UGT3A2: variants seen among roughly 807,000 people sequenced by gnomAD.
The protein encoded by UGT3A2 is UDP-glycosyltransferase 3A2.
In UGT3A2, 32 loss-of-function variants were observed where a neutral mutation model predicts 39.8. The observed-to-expected ratio is 0.80, with a 90% CI of 0.61 to 1.08. The LOEUF (loss-of-function observed/expected upper bound fraction) is 1.08, where lower values mean the gene tolerates loss of function less well. Among genes scored for constraint, UGT3A2 ranks in the 50% least tolerant of loss-of-function variants. The probability of loss-of-function intolerance (pLI) is 0.00; values close to 1 mark genes in which losing one functional copy is unlikely to be tolerated. For missense variants in UGT3A2, 611 were observed against 637.1 expected, an observed-to-expected ratio of 0.96 and a Z score of 0.44; for synonymous variants, 241 against 230.7, an observed-to-expected ratio of 1.04 and a Z score of -0.40.
chr5:36,064,451 G>A (rs1742817245), intron 1 of UGT3A2, 101 bp from the exon 2 acceptor site: 2 of 1,000,708 alleles, frequency 2.0e-6, no homozygotes, highest in Admixed American at 4.3e-5. Context: ...AACAGAAGTG[G>A]ATAGTGATTG....
At chr5:36,065,737 G>A (rs2111786203) in intron 1 of UGT3A2, among the ~76,000 whole-genome samples, 2 of 152,222 alleles carry the variant, frequency 1.3e-5, no homozygotes, top group Non-Finnish European at 1.5e-5. Context: ...GGGACATCAG[G>A]GAGGCCACAA....
rs1581025574 is a variant in UGT3A2, at chr5:36,066,843, G to A, written c.-54C>T. ...AGCCTGGGCTGCGCGCCCTGCGCCC[G>A]GCTAAGGGACCCTGTGCACCTCAGT... On this transcript the variant is annotated 5_prime_UTR_variant, in exon 1 of 7. Coordinates refer to ENST00000282507, the MANE Select transcript of UGT3A2 (RefSeq NM_174914.4). The A allele has an allele frequency of 1.9e-6, 3 of 1,608,392 alleles. No individual in the cohort carries two copies. Among genetic ancestry groups the A allele is most frequent in the East Asian group, 2.2e-5 (1 of 44,834 alleles).
chr5:36,049,252 C>CT lies in UGT3A2; in HGVS notation c.479dup (p.Pro161AlafsTer33). ...AAGTGGAAAGAATGGCCACAAATGG[C>CT]TTCCCAAGCTTCTCAGCAATCAGGA... On this transcript the variant is annotated frameshift_variant, in exon 4 of 7. Transcript: ENST00000282507. LOFTEE classifies it high-confidence loss of function. 1 of 1,614,104 alleles carries CT rather than the reference C, an allele frequency of 6.2e-7. No homozygotes were observed. The highest frequency in any genetic ancestry group is 8.5e-7 in the Non-Finnish European group (1 of 1,179,974).
chr5:36,061,580 T>C (rs1177132777), intron 2 of UGT3A2, among the ~76,000 whole-genome samples: 2 of 151,520 alleles, frequency 1.3e-5, no homozygotes, highest in South Asian at 2.1e-4. Context: ...TCATCATTTT[T>C]TATGGCTGCA....
intron 6 of UGT3A2, among the ~76,000 whole-genome samples, chr5:36,037,109 T>A (rs1470308146): frequency 6.6e-6 from 1 of 152,058 alleles, no homozygotes; most frequent in African/African-American, 2.4e-5. Flanking sequence ...GGACAAATAA[T>A]AAATGAAAAC....
At chr5:36,062,564 G>A (rs3860793) in intron 2 of UGT3A2, among the ~76,000 whole-genome samples, 44,060 of 148,838 alleles carry the variant, frequency 0.3, 6,946 homozygotes, top group Non-Finnish European at 0.37. Context: ...GATATGCGGC[G>A]TTATTTCTGA....
At chr5:36,052,085 T>C in intron 2 of UGT3A2, 101 bp from the exon 3 acceptor site, 1 of 704,578 alleles carries the variant, frequency 1.4e-6, no homozygotes, top group Non-Finnish European at 2.3e-6. Context: ...ATTATGTATG[T>C]ATTTGAATGA....
rs1159853137 is a variant in UGT3A2 at position 36,035,827 on chromosome 5, A to C, written c.1443T>G (p.His481Gln). 2 of 1,614,224 alleles carry C rather than the reference A, an allele frequency of 1.2e-6. No homozygotes were observed. Among genetic ancestry groups the C allele is most frequent in the Admixed American group, 3.3e-5 (2 of 60,030 alleles). ...CAAAAACGTCGAGCAGGTACTGCTC[A>C]TGCCAGGGCTGCTGAAAGACATAGG... The part of the protein sequence containing the change: ...LKPYVFQQPW[H>Q]EQYLLDVFVF... The change falls in exon 7 of 7, where the codon CAT becomes CAG. Residue 481 changes from histidine to glutamine, a missense_variant. By Grantham distance (24) the His-to-Gln change is conservative (BLOSUM62 0). Coordinates refer to ENST00000282507, the MANE Select transcript of UGT3A2 (RefSeq NM_174914.4).
chr5:36,058,837 C>T (rs1742595208), intron 2 of UGT3A2, among the ~76,000 whole-genome samples: 1 of 152,110 alleles, frequency 6.6e-6, no homozygotes, highest in Admixed American at 6.6e-5. Context: ...AGTAATGTCT[C>T]TCATAATGAC....
intron 3 of UGT3A2, 130 bp downstream of exon 3, chr5:36,051,736 GTCCA>G (rs71863019): frequency 0.062 from 18,039 of 288,846 alleles, 2,297 homozygotes; most frequent in African/African-American, 0.34. Flanking sequence ...CCATCCATCC[GTCCA>G]TCCATCCATC....
At chr5:36,052,721 C>T (rs925823441) in intron 2 of UGT3A2, among the ~76,000 whole-genome samples, 2 of 152,078 alleles carry the variant, frequency 1.3e-5, no homozygotes, top group African/African-American at 2.4e-5. Flanking sequence ...TGCCTGGGAG[C>T]CTGTCCTGCT....
At chr5:36,058,438 T>C (rs1336606449) in intron 2 of UGT3A2, among the ~76,000 whole-genome samples, 1 of 152,198 alleles carries the variant, frequency 6.6e-6, no homozygotes, top group African/African-American at 2.4e-5. Flanking sequence ...CTGGAGACTA[T>C]ATGAGTAAAC....
rs983626947 is a variant in UGT3A2, at chr5:36,060,103, G to T, written c.196+4146C>A. ...CACAGGAAGCTGAGAAACTGTTAGA[G>T]CATCAGGGTCAGGCAAAGACCCCTG... On this transcript the variant is annotated intron_variant, in intron 2 of 6. Transcript: ENST00000282507. Among the ~76,000 whole-genome samples, 8 of 152,332 alleles carry T rather than the reference G, an allele frequency of 5.3e-5. 1 individual carries two copies. Among genetic ancestry groups the T allele is most frequent in the Admixed American group, 3.9e-4 (6 of 15,300 alleles).
chr5:36,037,819 T>C lies in UGT3A2; in HGVS notation c.1273A>G (p.Lys425Glu). 2 of 1,614,214 alleles carry C rather than the reference T, an allele frequency of 1.2e-6. No homozygotes were observed. The highest frequency in any genetic ancestry group is 1.7e-6 in the Non-Finnish European group (2 of 1,180,038). ...TACCTCTTGTCTTCCATGATTTGTTTCATCTTAAGAGCCAATGTCTCTGCC... is the reference window on the plus strand; with the variant it reads ...TACCTCTTGTCTTCCATGATTTGTTCCATCTTAAGAGCCAATGTCTCTGCC... ...LKAETLALKM[K>E]QIMEDKRYKS... The change falls in exon 6 of 7, where the codon AAA becomes GAA. Residue 425 changes from lysine (K) to glutamate (E), a missense_variant. Lys to Glu is a moderately conservative substitution (Grantham distance 56). Transcript: ENST00000282507.
intron 2 of UGT3A2, among the ~76,000 whole-genome samples, chr5:36,059,363 T>C (rs1226929468): frequency 8.3e-5 from 4 of 48,154 alleles, no homozygotes; most frequent in East Asian, 7.3e-4. Context: ...TCTTTTCTCT[T>C]TTTTTTTTTT....
rs1400612454 is a variant in UGT3A2 at position 36,035,528 on chromosome 5, T to C, written c.*170A>G. 4 of 979,878 alleles carry C rather than the reference T, an allele frequency of 4.1e-6. No homozygotes were observed. The African/African-American group carries it at 5.0e-5, about 12-fold the overall frequency. 60.7% of individuals were successfully genotyped at this position (979,878 alleles called of 1,614,324 possible). ...GCAGGAGCTAGTAAGGATGAATTTG[T>C]AGCAAAATTAGCAAGTGGAAAGGAT... On this transcript the variant is annotated 3_prime_UTR_variant, in exon 7 of 7. Coordinates refer to ENST00000282507, the MANE Select transcript of UGT3A2 (RefSeq NM_174914.4).
Position 36,049,352 on chromosome 5 carries a change from C to G in UGT3A2, c.380G>C (p.Arg127Thr), listed in dbSNP as rs200862040. ...CTTTAAGGAATCCATGATATCCTTTCTATTTAAAAAATGACTGCACTGCAA... is the reference window on the plus strand; with the variant it reads ...CTTTAAGGAATCCATGATATCCTTTGTATTTAAAAAATGACTGCACTGCAA... ...LALQCSHFLN[R>T]KDIMDSLKNE... Residue 127 changes from arginine to threonine, a missense_variant, in exon 4 of 7, where the codon AGA (arginine) becomes ACA (threonine). By Grantham distance (71) the Arg-to-Thr change is moderately conservative (BLOSUM62 -1). Coordinates refer to ENST00000282507, the MANE Select transcript of UGT3A2 (RefSeq NM_174914.4). 104 of 1,609,552 alleles carry G rather than the reference C, an allele frequency of 6.5e-5. No homozygotes were observed. The highest frequency in any genetic ancestry group is 3.9e-4 in the Admixed American group (23 of 58,970).
At chr5:36,049,579 A>C (rs1189608521) in intron 3 of UGT3A2, among the ~76,000 whole-genome samples, 159 bp from the exon 4 acceptor site, 1 of 152,092 alleles carries the variant, frequency 6.6e-6, no homozygotes, top group African/African-American at 2.4e-5. Flanking sequence ...CTCTGCCATA[A>C]TTATCCTGGC....
chr5:36,052,554 GAA>G (rs1186582512), intron 2 of UGT3A2, among the ~76,000 whole-genome samples: 1 of 151,618 alleles, frequency 6.6e-6, no homozygotes, highest in South Asian at 2.1e-4. Context: ...AAATTGGTAA[GAA>G]AACTCACACA....
Sources: allele counts gnomAD v4.1 joint callset (sites outside exome capture counted in the v4.1 genomes callset), GRCh38; gene constraint gnomAD v4.1.1; transcripts MANE v1.5; gene names NCBI Gene and HGNC (gene_info 2026-07-23, HGNC 2026-07-21).